NEGR1: variants seen among roughly 807,000 people sequenced by gnomAD.
The protein encoded by NEGR1 is neuronal growth regulator 1.
Under a neutral mutation model 40.9 loss-of-function variants are expected in NEGR1, and 10 were observed. That is an observed-to-expected ratio of 0.24 (90% CI 0.15 to 0.42). NEGR1 has a LOEUF of 0.42. NEGR1 is among the 10% of genes least tolerant of loss of function. The pLI, the probability that NEGR1 is intolerant of heterozygous loss-of-function variation, is 1.00. For missense variants in NEGR1, 352 were observed against 438.9 expected (o/e 0.80, Z 1.77); for synonymous variants, 185 against 166.8 (o/e 1.11, Z -0.84).
At chr1:71,641,648 T>C (rs1218607687) in intron 4 of NEGR1, among the ~76,000 whole-genome samples, 2 of 151,950 alleles carry the variant, frequency 1.3e-5, no homozygotes, top group African/African-American at 4.8e-5. Flanking sequence ...AGTTTTGAAC[T>C]TGGGGTAGGA....
At chr1:71,437,685 G>A (rs1646518767) in intron 6 of NEGR1, among the ~76,000 whole-genome samples, 1 of 152,116 alleles carries the variant, frequency 6.6e-6, no homozygotes, top group Non-Finnish European at 1.5e-5. Flanking sequence ...GAAGAGGTCA[G>A]GTTAAGCATG....
chr1:71,527,407 CCA>C (rs984463150), intron 6 of NEGR1, among the ~76,000 whole-genome samples: 1 of 41,782 alleles, frequency 2.4e-5, no homozygotes, highest in African/African-American at 7.7e-5. Context: ...CAACCACCAT[CCA>C]TCCATCCATC....
intron 1 of NEGR1, among the ~76,000 whole-genome samples, chr1:72,254,537 C>T (rs1474730848): frequency 2.0e-5 from 3 of 151,814 alleles, no homozygotes; most frequent in South Asian, 4.1e-4. Context: ...CCCATCTCTA[C>T]TAAAAATACA....
At chr1:72,275,528 A>T (rs2100564705) in intron 1 of NEGR1, among the ~76,000 whole-genome samples, 1 of 152,270 alleles carries the variant, frequency 6.6e-6, no homozygotes, top group Admixed American at 6.5e-5. Flanking sequence ...AGTGCCAATG[A>T]CAATCTTTAA....
At chr1:71,740,130 T>C (rs761280737) in intron 3 of NEGR1, among the ~76,000 whole-genome samples, 15 of 152,336 alleles carry the variant, frequency 9.8e-5, no homozygotes, top group South Asian at 2.1e-4. Flanking sequence ...TTATGGAATT[T>C]ATATCATTCA....
chr1:71,925,399 T>C (rs1645763242), intron 2 of NEGR1, among the ~76,000 whole-genome samples: 1 of 152,192 alleles, frequency 6.6e-6, no homozygotes. Flanking sequence ...CTTGCTAGAT[T>C]ACTAACCAGA....
intron 1 of NEGR1, among the ~76,000 whole-genome samples, chr1:72,222,890 G>A (rs1044563319): frequency 6.6e-6 from 1 of 152,084 alleles, no homozygotes; most frequent in Non-Finnish European, 1.5e-5. Flanking sequence ...CAACCCAGGT[G>A]TCAGACATGT....
intron 1 of NEGR1, among the ~76,000 whole-genome samples, chr1:72,250,988 C>T (rs1048832663): frequency 2.0e-5 from 3 of 152,176 alleles, no homozygotes; most frequent in Non-Finnish European, 4.4e-5. Flanking sequence ...ACTGAAGGGA[C>T]TGAAAAATTT....
intron 6 of NEGR1, among the ~76,000 whole-genome samples, chr1:71,571,151 C>G (rs765919052): frequency 1.1e-4 from 16 of 152,134 alleles, no homozygotes; most frequent in Non-Finnish European, 2.1e-4. Context: ...ACATTTTAGC[C>G]ATGAATAGCA....
At chr1:72,187,867 T>A (rs545469864) in intron 1 of NEGR1, among the ~76,000 whole-genome samples, 6 of 151,548 alleles carry the variant, frequency 4.0e-5, no homozygotes, top group African/African-American at 1.4e-4. Flanking sequence ...GTAGAGCCAC[T>A]ATTCAAATTC....
chr1:72,104,168 CT>C (rs948084446), intron 1 of NEGR1, among the ~76,000 whole-genome samples: 2 of 151,988 alleles, frequency 1.3e-5, no homozygotes, highest in African/African-American at 4.8e-5. Context: ...CTGAAAGCCC[CT>C]CCCAAAGATG....
intron 4 of NEGR1, among the ~76,000 whole-genome samples, chr1:71,677,279 T>C (rs544854917): frequency 1.4e-4 from 21 of 152,270 alleles, no homozygotes; most frequent in African/African-American, 5.1e-4. Flanking sequence ...CCGGATAGGA[T>C]AAAATCGTAA....
chr1:71,958,863 G>A (rs1426212826), intron 1 of NEGR1, among the ~76,000 whole-genome samples: 1 of 151,494 alleles, frequency 6.6e-6, no homozygotes, highest in Non-Finnish European at 1.5e-5. Flanking sequence ...GCTGAGGCAG[G>A]AGAATCGCTT....
chr1:71,887,971 T>C (rs1357881420), intron 2 of NEGR1, among the ~76,000 whole-genome samples: 1 of 146,548 alleles, frequency 6.8e-6, no homozygotes, highest in African/African-American at 2.6e-5. Context: ...AGAAAGCCAG[T>C]GGAGCTCAAA....
intron 2 of NEGR1, among the ~76,000 whole-genome samples, chr1:71,804,392 G>A (rs1387224362): frequency 6.6e-6 from 1 of 151,810 alleles, no homozygotes; most frequent in Non-Finnish European, 1.5e-5. Context: ...TCATAGCACA[G>A]TGTAAGTACA....
intron 1 of NEGR1, among the ~76,000 whole-genome samples, chr1:72,037,169 A>C (rs1399351699): frequency 1.3e-5 from 2 of 152,168 alleles, no homozygotes; most frequent in Non-Finnish European, 2.9e-5. Flanking sequence ...TTTTAAGTAT[A>C]AAATTTAGGA....
At chr1:71,994,669 T>C (rs1354779487) in intron 1 of NEGR1, among the ~76,000 whole-genome samples, 2 of 152,154 alleles carry the variant, frequency 1.3e-5, no homozygotes, top group East Asian at 3.9e-4. Flanking sequence ...TTGTTTATTT[T>C]CCGCATGGTT....
intron 1 of NEGR1, among the ~76,000 whole-genome samples, chr1:71,991,776 T>C (rs967133666): frequency 2.0e-5 from 3 of 151,896 alleles, no homozygotes; most frequent in Non-Finnish European, 4.4e-5. Flanking sequence ...AATGAATGAG[T>C]ATAGTATTTG....
intron 5 of NEGR1, among the ~76,000 whole-genome samples, chr1:71,593,517 A>G (rs1051384088): frequency 2.0e-5 from 3 of 152,172 alleles, no homozygotes; most frequent in African/African-American, 7.2e-5. Context: ...ACCTAAAAAG[A>G]GACAGTCATA....
Sources: allele counts gnomAD v4.1 joint callset (sites outside exome capture counted in the v4.1 genomes callset), GRCh38; gene constraint gnomAD v4.1.1; transcripts MANE v1.5; gene names NCBI Gene and HGNC (gene_info 2026-07-23, HGNC 2026-07-21).